Variants in USP34 observed in about 807,000 individuals in gnomAD.
The protein encoded by USP34 is ubiquitin specific peptidase 34, also known as ubiquitin carboxyl-terminal hydrolase 34.
A neutral mutation model predicts 460.3 loss-of-function variants in USP34; 70 were observed. That is an observed-to-expected ratio of 0.15 (90% CI 0.13 to 0.19). The LOEUF is 0.19. USP34 is among the 10% of genes least tolerant of loss of function. The pLI is 1.00. For synonymous variants in USP34, 1,647 were observed against 1,405.3 expected, an observed-to-expected ratio of 1.17 and a Z score of -3.85; for missense variants, 3,985 against 4,236.2, an observed-to-expected ratio of 0.94 and a Z score of 1.65.
At position 61,356,179 on chromosome 2, in the gene USP34, T is replaced by A. The variant is rs59043150; in HGVS notation, c.1252-5486A>T. Among the ~76,000 whole-genome samples, 128 of 138,852 alleles carry A rather than the reference T, an allele frequency of 9.2e-4. 1 individual carries two copies. The highest frequency in any genetic ancestry group is 7.5e-3 in the Middle Eastern group (2 of 268). The allele number at this position is 138,852 out of a possible 152,430, so 91.1% of individuals were successfully genotyped here. A position where few individuals can be genotyped will look rare whatever the true frequency, so the allele number is the denominator to read the frequency against. On this transcript the variant is annotated intron_variant, in intron 10 of 79. Transcript: ENST00000398571. The stretch of plus-strand genomic sequence containing the variant: ...ATGTCCATCAACAGATGAATGAATT[T>A]AAAAAAAAAAAAAAAAAAGTGCTAC...
chr2:61,264,410 A>C (rs1158091289), intron 43 of USP34, among the ~76,000 whole-genome samples: 1 of 152,188 alleles, frequency 6.6e-6, no homozygotes, highest in African/African-American at 2.4e-5. Flanking sequence ...CCAAGGTAGA[A>C]GCATCTTGTA....
rs1290641360 is a variant in USP34 at position 61,339,606 on chromosome 2, C to T, written c.2576G>A (p.Gly859Glu). 1 of 1,579,988 alleles carries T rather than the reference C, an allele frequency of 6.3e-7. No homozygotes were observed. Among genetic ancestry groups the T allele is most frequent in the African/African-American group, 1.4e-5 (1 of 72,932 alleles). Reference protein sequence around the residue: ...DINLDNVCKKGNTLLWDIVQD... With the variant: ...DINLDNVCKKENTLLWDIVQD... ...GACTATATCCCACAACAAAGTATTTCCTTTCTTGCAAACATTATCCAAATT... is the reference window on the plus strand; with the variant it reads ...GACTATATCCCACAACAAAGTATTTTCTTTCTTGCAAACATTATCCAAATT... Residue 859 changes from glycine to glutamate, a missense_variant, in exon 17 of 80, where the codon GGA becomes GAA. Gly to Glu is a moderately conservative substitution (Grantham distance 98, BLOSUM62 -2). Around this residue, in one of 14 missense-constraint regions of USP34, gnomAD observed 46 missense variants for 83.1 expected, o/e 0.55. Coordinates refer to ENST00000398571, the MANE Select transcript of USP34 (RefSeq NM_014709.4).
intron 20 of USP34, among the ~76,000 whole-genome samples, chr2:61,327,403 G>C (rs919086188): frequency 6.6e-5 from 10 of 152,130 alleles, no homozygotes; most frequent in African/African-American, 2.4e-4. Flanking sequence ...TAAAATTCAA[G>C]AACAGCTAGC....
chr2:61,197,111 T>C (rs982635827), intron 75 of USP34, among the ~76,000 whole-genome samples: 1 of 151,730 alleles, frequency 6.6e-6, no homozygotes, highest in Non-Finnish European at 1.5e-5. Flanking sequence ...CCCCACTCTA[T>C]TTAAAAAAAA....
At chr2:61,207,021 T>A (rs1687139590) in intron 70 of USP34, 135 bp from the exon 71 acceptor site, 1 of 897,008 alleles carries the variant, frequency 1.1e-6, no homozygotes, top group Non-Finnish European at 1.6e-6. Context: ...AGCAAACGTA[T>A]TTGCTTTCTA....
intron 21 of USP34, among the ~76,000 whole-genome samples, chr2:61,324,894 A>C (rs977487217): frequency 3.9e-4 from 60 of 152,322 alleles, no homozygotes; most frequent in African/African-American, 1.4e-3. Context: ...ATGTATTAAG[A>C]ATAATCACTG....
chr2:61,428,242 C>CA lies in USP34; in HGVS notation c.44-7410dup, dbSNP rs370891797. Among the ~76,000 whole-genome samples, 934 of 95,170 alleles carry CA rather than the reference C, an allele frequency of 9.8e-3. 4 individuals are homozygous for CA. Among genetic ancestry groups the CA allele is most frequent in the Middle Eastern group, 0.022 (4 of 178 alleles). The allele number at this position is 95,170 out of a possible 152,430, so 62.4% of individuals were successfully genotyped here. On this transcript the variant is annotated intron_variant, in intron 1 of 79. Coordinates refer to ENST00000398571, the MANE Select transcript of USP34 (RefSeq NM_014709.4). Reference sequence around the variant, plus strand: ...CTGAGTATGAGTTTCTAATGATTCTCAAAAAAAAAAAAAAAAAGTGATCAC... The same window carrying CA: ...CTGAGTATGAGTTTCTAATGATTCTCAAAAAAAAAAAAAAAAAAGTGATCAC...
chr2:61,254,801 G>A (rs570204722), intron 48 of USP34, among the ~76,000 whole-genome samples: 48 of 152,084 alleles, frequency 3.2e-4, no homozygotes, highest in African/African-American at 1.0e-3. Context: ...AATAATAAAG[G>A]GAAAAAATTG....
At position 61,274,798 on chromosome 2, in the gene USP34, G is replaced by A. The variant is rs375961619; in HGVS notation, c.5433+3367C>T. 4.6e-5 allele frequency among the ~76,000 whole-genome samples: 7 copies of A among 152,100 alleles called. No individual in the cohort carries two copies. In the South Asian group the frequency reaches 1.4e-3, roughly 32 times the overall value. On this transcript the variant is annotated intron_variant, in intron 41 of 79. Coordinates refer to ENST00000398571, the MANE Select transcript of USP34 (RefSeq NM_014709.4). ...TCCACAGACAGTTAACTTGGTTTTCGTTTTTAACATAACCAAAACTATAAA... is the reference window on the plus strand; with the variant it reads ...TCCACAGACAGTTAACTTGGTTTTCATTTTTAACATAACCAAAACTATAAA...
chr2:61,220,796 C>A (rs1360256886), intron 66 of USP34, among the ~76,000 whole-genome samples: 7 of 152,118 alleles, frequency 4.6e-5, no homozygotes, highest in Admixed American at 4.6e-4. Context: ...CTTTACTTTT[C>A]TGATTACATG....
intron 3 of USP34, 90 bp from the exon 4 acceptor site, chr2:61,395,323 C>A (rs1187659901): frequency 1.2e-6 from 1 of 826,128 alleles, no homozygotes; most frequent in Non-Finnish European, 1.9e-6. Context: ...TTTATAAAAA[C>A]CGAATAAACA....
chr2:61,396,678 C>T (rs938831129), intron 3 of USP34, among the ~76,000 whole-genome samples: 3 of 151,958 alleles, frequency 2.0e-5, no homozygotes, highest in Non-Finnish European at 2.9e-5. Context: ...TTAGTAGAGA[C>T]AGGGTTTCAC....
At chr2:61,285,875 T>G (rs1323617705) in intron 34 of USP34, among the ~76,000 whole-genome samples, 13 of 152,192 alleles carry the variant, frequency 8.5e-5, no homozygotes, top group Admixed American at 7.9e-4. Context: ...TAGTTCTTCC[T>G]CATATAAGGG....
At chr2:61,222,897 A>G (rs1330046568) in intron 64 of USP34, 163 bp downstream of exon 64, 2 of 703,240 alleles carry the variant, frequency 2.8e-6, no homozygotes, top group Non-Finnish European at 4.7e-6. Context: ...GGTTCTCACT[A>G]TGTTGCCTAG....
At chr2:61,353,401 T>G (rs952877509) in intron 10 of USP34, among the ~76,000 whole-genome samples, 6 of 151,352 alleles carry the variant, frequency 4.0e-5, no homozygotes, top group Non-Finnish European at 8.9e-5. Flanking sequence ...AATGTTTTTT[T>G]TTTTTTTTTT....
At chr2:61,249,047 TAA>T (rs937372491) in intron 48 of USP34, among the ~76,000 whole-genome samples, 6 of 146,522 alleles carry the variant, frequency 4.1e-5, no homozygotes, top group Non-Finnish European at 7.7e-5. Flanking sequence ...CTATTCCAGA[TAA>T]AGTTTAATTT....
intron 10 of USP34, among the ~76,000 whole-genome samples, chr2:61,353,272 G>C (rs1395850652): frequency 6.6e-6 from 1 of 152,002 alleles, no homozygotes; most frequent in African/African-American, 2.4e-5. Context: ...CAAACCATCT[G>C]AAATGATTAC....
chr2:61,283,584 TGAGAGTGA>T, intron 35 of USP34, 135 bp from the exon 36 acceptor site: 1 of 725,470 alleles, frequency 1.4e-6, no homozygotes, highest in Non-Finnish European at 2.2e-6. Context: ...TGAGTGAGAG[TGAGAGTGA>T]GAGTGAGAGA....
chr2:61,196,326 G>A (rs1686808521), intron 75 of USP34, among the ~76,000 whole-genome samples: 1 of 149,780 alleles, frequency 6.7e-6, no homozygotes, highest in Non-Finnish European at 1.5e-5. Flanking sequence ...TCCTGACCTC[G>A]TGATCCACCC....
Sources: allele counts gnomAD v4.1 joint callset (sites outside exome capture counted in the v4.1 genomes callset), GRCh38; gene constraint gnomAD v4.1.1; regional missense constraint gnomAD v4.1.1; transcripts MANE v1.5; gene names NCBI Gene and HGNC (gene_info 2026-07-23, HGNC 2026-07-21).